DENND1A: variants seen among roughly 807,000 people sequenced by gnomAD.
The protein encoded by DENND1A is DENN domain-containing protein 1A.
A neutral mutation model predicts 113.7 loss-of-function variants in DENND1A; 51 were observed. The observed-to-expected ratio is 0.45, with a 90% confidence interval of 0.36 to 0.57. The LOEUF is 0.57. DENND1A is among the 20% of genes least tolerant of loss of function. The pLI, the probability that DENND1A is intolerant of heterozygous loss-of-function variation, is 0.00. For missense variants in DENND1A, 1,258 were observed against 1,395.9 expected, an observed-to-expected ratio of 0.90 and a Z score of 1.57; for synonymous variants, 565 against 570.8, an observed-to-expected ratio of 0.99 and a Z score of 0.14.
At chr9:123,711,209 A>C (rs1253493365) in intron 5 of DENND1A, among the ~76,000 whole-genome samples, 1 of 151,742 alleles carries the variant, frequency 6.6e-6, no homozygotes, top group Non-Finnish European at 1.5e-5. Flanking sequence ...TCACACCTGT[A>C]ATCCCAGCAC....
intron 2 of DENND1A, among the ~76,000 whole-genome samples, chr9:123,849,869 G>C (rs928958237): frequency 3.3e-5 from 5 of 152,178 alleles, no homozygotes; most frequent in African/African-American, 1.2e-4. Flanking sequence ...TTCAGTGGAG[G>C]AAGTAATGCA....
chr9:123,806,045 C>T (rs1458044321), intron 2 of DENND1A, among the ~76,000 whole-genome samples: 3 of 152,074 alleles, frequency 2.0e-5, no homozygotes, highest in Non-Finnish European at 2.9e-5. Context: ...CCTCCACCTT[C>T]CAGGTTCAAG....
intron 19 of DENND1A, among the ~76,000 whole-genome samples, chr9:123,427,496 G>A (rs777158386): frequency 6.6e-6 from 1 of 152,110 alleles, no homozygotes. Context: ...TCTGCCATGC[G>A]CTAACCTGCC....
chr9:123,794,859 T>C (rs967667029), intron 2 of DENND1A, among the ~76,000 whole-genome samples: 6 of 152,062 alleles, frequency 3.9e-5, no homozygotes, highest in Admixed American at 6.5e-5. Context: ...TCTTAACACA[T>C]TGAAGATAAA....
At chr9:123,661,076 C>T (rs1052672606) in intron 8 of DENND1A, among the ~76,000 whole-genome samples, 8 of 152,154 alleles carry the variant, frequency 5.3e-5, no homozygotes, top group Admixed American at 4.6e-4. Flanking sequence ...CTTAAAGCTA[C>T]GGATAAGGTG....
chr9:123,805,908 T>C (rs370343162), intron 2 of DENND1A, among the ~76,000 whole-genome samples: 6 of 152,318 alleles, frequency 3.9e-5, no homozygotes, highest in East Asian at 3.9e-4. Flanking sequence ...TGTACCTATT[T>C]ACATATAAGT....
In DENND1A at chr9:123,902,206, C is replaced by CACACACACAT. The variant is rs1554810503; in HGVS notation, c.18-23186_18-23185insATGTGTGTGT. On this transcript the variant is annotated intron_variant, in intron 1 of 23. Transcript: ENST00000394215. ...ACACACACACACACACACACACACACATACACACACACGTAGAGACAGAGA... is the reference window on the plus strand; with the variant it reads ...ACACACACACACACACACACACACACACACACACATATACACACACACGTAGAGACAGAGA... Among the ~76,000 whole-genome samples the CACACACACAT allele has an allele frequency of 2.3e-4, 35 of 149,138 alleles. No individual in the cohort carries two copies. In the East Asian group the frequency reaches 2.9e-3, roughly 13 times the overall value.
rs554999364 is a variant in DENND1A, at chr9:123,469,929, T to G, written c.994-12032A>C. Among the ~76,000 whole-genome samples, 11 of 152,344 alleles carry G rather than the reference T, an allele frequency of 7.2e-5. No individual in the cohort carries two copies. The South Asian group carries it at 2.1e-3, about 29-fold the overall frequency. On this transcript the variant is annotated intron_variant, in intron 13 of 23. Transcript: ENST00000394215. Reference sequence around the variant, plus strand: ...GAAGTCTGTCTGGCCCTGGGGCTCATGCAGCACAATATTATTTATGTTTGA... The same window carrying G: ...GAAGTCTGTCTGGCCCTGGGGCTCAGGCAGCACAATATTATTTATGTTTGA...
chr9:123,865,786 T>G (rs1349367600), intron 2 of DENND1A, among the ~76,000 whole-genome samples: 1 of 152,130 alleles, frequency 6.6e-6, no homozygotes, highest in Admixed American at 6.5e-5. Flanking sequence ...AATTAAGTAA[T>G]TTGCCCAAAA....
At chr9:123,656,501 A>G (rs2062954077) in intron 8 of DENND1A, among the ~76,000 whole-genome samples, 1 of 151,968 alleles carries the variant, frequency 6.6e-6, no homozygotes, top group South Asian at 2.1e-4. Context: ...ATAAAGTAGA[A>G]TCACAGGACT....
At chr9:123,444,379 CAT>C (rs2047148094) in intron 18 of DENND1A, among the ~76,000 whole-genome samples, 1 of 152,156 alleles carries the variant, frequency 6.6e-6, no homozygotes, top group East Asian at 1.9e-4. Flanking sequence ...AAAATAATGA[CAT>C]GTGGGCCTGG....
intron 11 of DENND1A, among the ~76,000 whole-genome samples, chr9:123,602,445 TATGTTACCTCTCA>T (rs1249246454): frequency 6.6e-6 from 1 of 152,232 alleles, no homozygotes; most frequent in East Asian, 1.9e-4. Flanking sequence ...GCGCCAATTG[TATGTTACCTCTCA>T]GAGCCTCAGC....
chr9:123,492,518 T>A (rs2051463449), intron 13 of DENND1A: 1 of 152,328 alleles, frequency 6.6e-6, no homozygotes, highest in South Asian at 2.1e-4. Context: ...GGCCAGGTTG[T>A]GAAGGTCTTG....
rs188809700 is a variant in DENND1A at position 123,827,424 on chromosome 9, A to G, written c.89-34794T>C. ...ATATATATATATATATATAGGTGGG[A>G]GGAACACCTGACCCTGGGAGGTCGA... On this transcript the variant is annotated intron_variant, in intron 2 of 23. Transcript: ENST00000394215. 3.0e-3 allele frequency among the ~76,000 whole-genome samples: 449 copies of G among 147,892 alleles called. 1 individual carries two copies. The highest frequency in any genetic ancestry group is 0.014 in the Middle Eastern group (4 of 282).
At chr9:123,457,306 T>TAG in intron 15 of DENND1A, 42 bp downstream of exon 15, 1 of 1,485,362 alleles carries the variant, frequency 6.7e-7, no homozygotes, top group Non-Finnish European at 9.4e-7. Context: ...CCCTAAATGA[T>TAG]AGCAGCCTGC....
At chr9:123,813,359 T>A (rs760668477) in intron 2 of DENND1A, among the ~76,000 whole-genome samples, 2 of 152,172 alleles carry the variant, frequency 1.3e-5, no homozygotes, top group Non-Finnish European at 2.9e-5. Context: ...TTAATGTACA[T>A]CTTTAATCTA....
intron 19 of DENND1A, among the ~76,000 whole-genome samples, chr9:123,421,453 C>T (rs1038372299): frequency 2.6e-5 from 4 of 152,106 alleles, no homozygotes; most frequent in African/African-American, 9.7e-5. Context: ...CGTATCTCCT[C>T]GGGTCCGCTC....
At chr9:123,547,584 T>A (rs2056783803) in intron 13 of DENND1A, among the ~76,000 whole-genome samples, 1 of 152,128 alleles carries the variant, frequency 6.6e-6, no homozygotes, top group Non-Finnish European at 1.5e-5. Context: ...TTTTCAACTC[T>A]TGGTACCTTC....
intron 2 of DENND1A, among the ~76,000 whole-genome samples, chr9:123,835,671 A>G (rs1481637110): frequency 1.3e-5 from 2 of 151,898 alleles, no homozygotes; most frequent in African/African-American, 2.4e-5. Flanking sequence ...AAAAAAAAAA[A>G]AAAAAGAAAA....
Sources: gnomAD v4.1 joint callset for allele counts (sites outside exome capture counted in the v4.1 genomes callset) on GRCh38, gnomAD v4.1.1 for gene constraint, MANE v1.5 for transcripts, NCBI Gene and HGNC (gene_info 2026-07-23, HGNC 2026-07-21) for gene names.